Variants in PLEC observed in about 807,000 individuals in gnomAD.
The protein encoded by PLEC is hemidesmosomal protein 1.
In PLEC, 216 loss-of-function variants were observed where a neutral mutation model predicts 392.8. The ratio of observed to expected loss-of-function variants is 0.55; its 90% CI spans 0.49 to 0.62. PLEC has a LOEUF of 0.62. Among genes scored for constraint, PLEC ranks in the 20% least tolerant of loss-of-function variants. PLEC has a pLI of 0.00. For missense variants in PLEC, 6,863 were observed against 6,563.4 expected, an observed-to-expected ratio of 1.05 and a Z score of -1.58; for synonymous variants, 3,621 against 2,980.6, an observed-to-expected ratio of 1.21 and a Z score of -7.00.
At chr8:143,960,955 C>T (rs1554740674) in intron 1 of PLEC, among the ~76,000 whole-genome samples, 3 of 152,234 alleles carry the variant, frequency 2.0e-5, no homozygotes, top group South Asian at 2.1e-4. Flanking sequence ...GGAGGCCTCC[C>T]GCTCTGCACG....
At chr8:143,940,979 G>A (rs1333836991), upstream of PLEC, among the ~76,000 whole-genome samples, 1 of 152,212 alleles carries the variant, frequency 6.6e-6, no homozygotes, top group African/African-American at 2.4e-5. Flanking sequence ...CAGAACCTCA[G>A]GAGTCACCAG....
At position 143,929,403 on chromosome 8, in the gene PLEC, A is replaced by G; in HGVS notation, c.3081+11T>C. 8 of 1,556,472 alleles carry G rather than the reference A, an allele frequency of 5.1e-6. No individual in the cohort carries two copies. The South Asian group carries it at 9.3e-5, about 18-fold the overall frequency. On this transcript the variant is annotated intron_variant, in intron 24 of 31. Transcript: ENST00000345136. The stretch of plus-strand genomic sequence containing the variant: ...GAGGGATGGGACTGGATGGGGGGGG[A>G]CGGCCCCTGCCTGCTGCTCGGCGAT...
rs782214958 is a variant in PLEC, at chr8:143,939,425, C to T, written c.37G>A (p.Gly13Ser). ...QHQLRVPQPEGLGRKRTSSED... is the reference protein window; with the variant it reads ...QHQLRVPQPESLGRKRTSSED... ...GAGCTGGTTCTCTTTCGGCCCAGGC[C>T]CTCGGGCTGCGGCACGCGGAGCTGG... is the stretch of plus-strand genomic sequence containing the variant. Residue 13 changes from glycine to serine, a missense_variant, in exon 1 of 32, where the codon GGC becomes AGC. Transcript: ENST00000345136. The T allele has an allele frequency of 1.4e-5, 23 of 1,612,572 alleles. No individual in the cohort carries two copies. Among genetic ancestry groups the T allele is most frequent in the Non-Finnish European group, 1.9e-5 (23 of 1,179,760 alleles).
chr8:143,920,463 G>A lies in PLEC; in HGVS notation c.9358C>T (p.Leu3120=), dbSNP rs1554681881. ...TGQSVSLFQA[L]KKGLIPREQG... ...TCCCGGGGAATGAGGCCCTTCTTCAGGGCCTGGAACAGGGAGACGCTCTGC... is the reference window on the plus strand; with the variant it reads ...TCCCGGGGAATGAGGCCCTTCTTCAAGGCCTGGAACAGGGAGACGCTCTGC... The change falls in exon 32 of 32, where the codon CTG becomes TTG. Residue 3120 remains leucine, a synonymous_variant. Transcript: ENST00000345136. 1 of 1,602,432 alleles carries A rather than the reference G, an allele frequency of 6.2e-7. No individual in the cohort carries two copies. The highest frequency in any genetic ancestry group is 8.5e-7 in the Non-Finnish European group (1 of 1,175,086).
chr8:143,942,088 T>G (rs1830563795), upstream of PLEC, among the ~76,000 whole-genome samples: 1 of 151,346 alleles, frequency 6.6e-6, no homozygotes, highest in South Asian at 2.1e-4. Context: ...ACCTCCTCCC[T>G]CCCCCGTGTC....
rs782332277 is a variant in PLEC, at chr8:143,923,864, C to T, written c.6065G>A (p.Arg2022Gln). ...ERLKAKVEEA[R>Q]RLRERAEQES... ...CTGCTCCGCTCGCTCCCGCAGGCGC[C>T]GCGCCTCCTCCACCTTGGCTTTCAG... is the stretch of plus-strand genomic sequence containing the variant. The change falls in exon 31 of 32, where the codon CGG (arginine) becomes CAG (glutamine). Residue 2022 changes from arginine to glutamine, a missense_variant. By Grantham distance (43) the Arg-to-Gln change is conservative. Coordinates refer to ENST00000345136, the MANE Select transcript of PLEC (RefSeq NM_201384.3). 73 of 1,592,216 alleles carry T rather than the reference C, an allele frequency of 4.6e-5. No homozygotes were observed. The South Asian group carries it at 6.0e-4, about 13-fold the overall frequency.
chr8:143,973,395 G>A lies in PLEC; in HGVS notation c.70+8C>T, dbSNP rs782714112. ...CGGCCCGACAGGCAGCGGGACGGGG[G>A]GCCGTACCTTTGTACTTCTCGCGCA... On this transcript the variant is annotated splice_region_variant and intron_variant, in intron 1 of 31. Transcript: ENST00000356346. This position sits in a 1 kb window ranked among gnomAD's most constrained non-coding sequence, Gnocchi z 5.6. 6.4e-7 allele frequency: 1 copy of A among 1,559,698 alleles called. No individual in the cohort carries two copies. Among genetic ancestry groups the A allele is most frequent in the Non-Finnish European group, 8.7e-7 (1 of 1,153,044 alleles).
rs377156107 is a variant in PLEC, at chr8:143,920,094, C to G, written c.9727G>C (p.Val3243Leu). ...TFEKTPVEVPVGGFKGRTVTV... is the reference protein window; with the variant it reads ...TFEKTPVEVPLGGFKGRTVTV... ...ACCGTCCTGCCCTTGAAGCCACCCA[C>G]GGGGACCTCAACCGGGGTCTTTTCA... Residue 3243 changes from valine to leucine, a missense_variant, in exon 32 of 32, where the codon GTG (valine) becomes CTG (leucine). Val to Leu is a conservative substitution (Grantham distance 32, BLOSUM62 1). Coordinates refer to ENST00000345136, the MANE Select transcript of PLEC (RefSeq NM_201384.3). 1.2e-5 allele frequency: 19 copies of G among 1,613,056 alleles called. No homozygotes were observed. The Admixed American group carries it at 2.5e-4, about 21-fold the overall frequency.
intron 1 of PLEC, among the ~76,000 whole-genome samples, chr8:143,959,730 CT>C (rs1832777843): frequency 6.6e-6 from 1 of 152,280 alleles, no homozygotes; most frequent in Non-Finnish European, 1.5e-5. Context: ...GGTGTGGTGG[CT>C]CACGCCTGTA....
intron 28 of PLEC, 28 bp from the exon 29 acceptor site, chr8:143,927,109 C>T (rs1554706695): frequency 1.3e-6 from 2 of 1,586,034 alleles, no homozygotes; most frequent in Admixed American, 1.7e-5. Context: ...GGTCAGCCAC[C>T]AGCTCTGCCC....
rs544533433 is a variant in PLEC at position 143,971,143 on chromosome 8, C to T, written c.70+2260G>A. 1.1e-4 allele frequency among the ~76,000 whole-genome samples: 17 copies of T among 151,756 alleles called. No individual in the cohort carries two copies. In the East Asian group the frequency reaches 3.3e-3, roughly 29 times the overall value. The stretch of plus-strand genomic sequence containing the variant: ...GACGTGTCCAGGGGAGGGTCTGAGA[C>T]GTTGTGGGGTGGGGGGTGAAGGTCA... On this transcript the variant is annotated intron_variant, in intron 1 of 31. Transcript: ENST00000356346.
At chr8:143,940,276 T>C (rs1469627254), upstream of PLEC, among the ~76,000 whole-genome samples, 4 of 152,044 alleles carry the variant, frequency 2.6e-5, no homozygotes, top group African/African-American at 9.7e-5. Flanking sequence ...ACACCTCACG[T>C]CGGAGGCGCG....
At position 143,920,784 on chromosome 8, in the gene PLEC, C is replaced by A. The variant is rs1822359424; in HGVS notation, c.9037G>T (p.Val3013Leu). 2 of 1,607,096 alleles carry A rather than the reference C, an allele frequency of 1.2e-6. No individual in the cohort carries two copies. The highest frequency in any genetic ancestry group is 1.7e-6 in the Non-Finnish European group (2 of 1,179,934). The change falls in exon 32 of 32, where the codon GTG (valine) becomes TTG (leucine). Residue 3013 changes from valine (V) to leucine (L), a missense_variant. Transcript: ENST00000345136. Reference sequence around the variant, plus strand: ...CGGAGAGCCCGCCGCACAGTGTCCACCTCGGCTACGTCTCGCACAGAGCGC... The same window carrying A: ...CGGAGAGCCCGCCGCACAGTGTCCAACTCGGCTACGTCTCGCACAGAGCGC... ...GERSVRDVAE[V>L]DTVRRALRGA...
At chr8:143,939,680 C>T (rs556291896), upstream of PLEC, 14 of 1,385,570 alleles carry the variant, frequency 1.0e-5, no homozygotes, top group Admixed American at 9.0e-5. Context: ...CAGGCCGCCG[C>T]CAGGGAGGGG....
upstream of PLEC, among the ~76,000 whole-genome samples, chr8:143,953,009 G>A (rs1169017061): frequency 1.4e-5 from 1 of 70,884 alleles, no homozygotes; most frequent in Non-Finnish European, 2.8e-5. Context: ...CCGCCTCGCA[G>A]CACACACCTC....
Position 143,923,969 on chromosome 8 carries a change from T to C in PLEC, c.5960A>G (p.Glu1987Gly), listed in dbSNP as rs1554694997. 1.3e-6 allele frequency: 2 copies of C among 1,587,140 alleles called. No individual in the cohort carries two copies. Among genetic ancestry groups the C allele is most frequent in the Non-Finnish European group, 8.5e-7 (1 of 1,172,694 alleles). Residue 1987 changes from glutamate (E) to glycine (G), a missense_variant, in exon 31 of 32, where the codon GAG (glutamate) becomes GGG (glycine). Transcript: ENST00000345136. Reference sequence around the variant, plus strand: ...CGCCAGGCTCTTCTGCACGCGCTCCTCAGCCTCACGGCGCCGCCGCTCCTC... The same window carrying C: ...CGCCAGGCTCTTCTGCACGCGCTCCCCAGCCTCACGGCGCCGCCGCTCCTC... ...AEEERRRREA[E>G]ERVQKSLAAE...
rs782213390 is a variant in PLEC at position 143,916,567 on chromosome 8, G to A, written c.13254C>T (p.Asp4418=). 36 of 1,611,490 alleles carry A rather than the reference G, an allele frequency of 2.2e-5. No homozygotes were observed. Among genetic ancestry groups the A allele is most frequent in the South Asian group, 6.6e-5 (6 of 91,080 alleles). The change falls in exon 32 of 32, where the codon GAC becomes GAT. Residue 4418 remains aspartate (D), a synonymous_variant. Coordinates refer to ENST00000345136, the MANE Select transcript of PLEC (RefSeq NM_201384.3). The part of the protein sequence containing the change: ...LDEALQRGTV[D]ARTAQKLRDV... ...CACGCAGCTTCTGTGCGGTGCGGGCGTCCACCGTGCCGCGCTGCAGGGCCT... is the reference window on the plus strand; with the variant it reads ...CACGCAGCTTCTGTGCGGTGCGGGCATCCACCGTGCCGCGCTGCAGGGCCT...
Position 143,921,063 on chromosome 8 carries a change from T to G in PLEC, c.8758A>C (p.Lys2920Gln). The change falls in exon 32 of 32, where the codon AAG (lysine) becomes CAG (glutamine). Residue 2920 changes from lysine to glutamine, a missense_variant. Physicochemically the swap from Lys to Gln is moderately conservative, Grantham distance 53. Transcript: ENST00000345136. ...ATGATCTCCCAAATGGTCACCGTCT[T>G]GCCCTGGAACTTGCCGAACGGCGCA... Reference protein sequence around the residue: ...VSAPFGKFQGKTVTIWEIINS... With the variant: ...VSAPFGKFQGQTVTIWEIINS... The G allele has an allele frequency of 6.2e-7, 1 of 1,612,136 alleles. No individual in the cohort carries two copies. The highest frequency in any genetic ancestry group is 8.5e-7 in the Non-Finnish European group (1 of 1,180,020).
chr8:143,925,017 C>A lies in PLEC; in HGVS notation c.4912G>T (p.Ala1638Ser). 1 of 1,569,652 alleles carries A rather than the reference C, an allele frequency of 6.4e-7. No individual in the cohort carries two copies. Among genetic ancestry groups the A allele is most frequent in the Non-Finnish European group, 8.6e-7 (1 of 1,165,836 alleles). Reference protein sequence around the residue: ...ERELERWQLKANEALRLRLQA... With the variant: ...ERELERWQLKSNEALRLRLQA... ...AGCCGCAGCCGTAGCGCCTCGTTGG[C>A]CTTGAGCTGCCAGCGCTCCAGCTCC... The change falls in exon 31 of 32, where the codon GCC becomes TCC. Residue 1638 changes from alanine (A) to serine (S), a missense_variant. By Grantham distance (99) the Ala-to-Ser change is moderately conservative. Transcript: ENST00000345136.
Sources: allele counts gnomAD v4.1 joint callset (sites outside exome capture counted in the v4.1 genomes callset), GRCh38; gene constraint gnomAD v4.1.1; non-coding constraint Gnocchi (gnomAD v3.1); transcripts MANE v1.5; gene names NCBI Gene and HGNC (gene_info 2026-07-23, HGNC 2026-07-21).